NXPE2: variants seen among roughly 807,000 people sequenced by gnomAD.
NXPE2 encodes neurexophilin and PC-esterase domain family member 2.
NXPE2 carries 34 observed loss-of-function variants against 34.4 expected under a neutral mutation model. The ratio of observed to expected loss-of-function variants is 0.99; its 90% CI spans 0.75 to 1.31. The LOEUF (loss-of-function observed/expected upper bound fraction) is 1.31. NXPE2 is among the 40% of genes most tolerant of loss of function. The pLI is 0.00. For missense variants in NXPE2, 649 were observed against 672.5 expected, an observed-to-expected ratio of 0.97 and a Z score of 0.39; for synonymous variants, 235 against 231.3, an observed-to-expected ratio of 1.02 and a Z score of -0.15.
chr11:114,788,023 A>C, the NXPE2 span, among the ~76,000 whole-genome samples: 51,546 of 152,070 alleles, frequency 0.34, 11,039 homozygotes, highest in Non-Finnish European at 0.46. Context: ...ATTCAGAGTA[A>C]GGGGCTAGGC....
chr11:114,711,114 C>A (rs894592535), downstream of NXPE2, among the ~76,000 whole-genome samples: 1 of 151,994 alleles, frequency 6.6e-6, no homozygotes, highest in African/African-American at 2.4e-5. Flanking sequence ...AAGCCATACA[C>A]GAAAAGCCCA....
the NXPE2 span, among the ~76,000 whole-genome samples, chr11:114,535,870 C>G: frequency 6.6e-6 from 1 of 152,114 alleles, no homozygotes; most frequent in Non-Finnish European, 1.5e-5. Context: ...TTAGACAGAT[C>G]AACGAGACAG....
the NXPE2 span, among the ~76,000 whole-genome samples, chr11:114,726,337 G>A: frequency 2.6e-5 from 4 of 151,862 alleles, no homozygotes; most frequent in Admixed American, 2.0e-4. Flanking sequence ...ATATGCTTAG[G>A]AAATTTTCTT....
the NXPE2 span, chr11:114,517,942 T>A: frequency 6.6e-6 from 1 of 152,278 alleles, no homozygotes; most frequent in Admixed American, 6.6e-5. Context: ...GGGAGGCACA[T>A]GCCATGGATT....
chr11:114,530,020 T>TG, the NXPE2 span: 1 of 710,410 alleles, frequency 1.4e-6, no homozygotes, highest in Non-Finnish European at 2.3e-6. Flanking sequence ...AACTTTGGCC[T>TG]AGAGTGGTGA....
downstream of NXPE2, among the ~76,000 whole-genome samples, chr11:114,708,929 CA>C (rs1305399314): frequency 1.3e-5 from 2 of 152,334 alleles, no homozygotes; most frequent in Non-Finnish European, 2.9e-5. Flanking sequence ...CTTCTCTTCA[CA>C]TGCACTGAAG....
chr11:114,740,551 A>T, the NXPE2 span, among the ~76,000 whole-genome samples: 218 of 151,820 alleles, frequency 1.4e-3, no homozygotes, highest in East Asian at 9.3e-3. Flanking sequence ...TGCTTTTTTT[A>T]AAAAAAATGA....
chr11:114,698,657 G>T lies in NXPE2; in HGVS notation c.745G>T (p.Asp249Tyr), dbSNP rs779661473. The part of the protein sequence containing the change: ...AELCQYMDDR[D>Y]QEAFYCVRPQ... ...ACTGTGCCAGTACATGGATGACAGA[G>T]ACCAAGAAGCCTTCTACTGTGTGAG... The change falls in exon 3 of 6, where the codon GAC becomes TAC. Residue 249 changes from aspartate to tyrosine, a missense_variant. Asp to Tyr is a radical substitution (Grantham distance 160). Coordinates refer to ENST00000389586, the MANE Select transcript of NXPE2 (RefSeq NM_182495.6). The T allele has an allele frequency of 1.4e-5, 23 of 1,614,064 alleles. No homozygotes were observed. Among genetic ancestry groups the T allele is most frequent in the Non-Finnish European group, 1.8e-5 (21 of 1,180,028 alleles).
chr11:114,698,466 G>A lies in NXPE2; in HGVS notation c.554G>A (p.Gly185Asp), dbSNP rs972126115. The change falls in exon 3 of 6, where the codon GGC (glycine) becomes GAC (aspartate). Residue 185 changes from glycine (G) to aspartate (D), a missense_variant. By Grantham distance (94) the Gly-to-Asp change is moderately conservative. Transcript: ENST00000389586. ...GTCAGCTTCACTCTGTTCTGGGAGGGCCAGGTTTCCCTGTCTCTGCTGCTC... is the reference window on the plus strand; with the variant it reads ...GTCAGCTTCACTCTGTTCTGGGAGGACCAGGTTTCCCTGTCTCTGCTGCTC... ...YLVSFTLFWEGQVSLSLLLIH... is the reference protein window; with the variant it reads ...YLVSFTLFWEDQVSLSLLLIH... 4.3e-6 allele frequency: 7 copies of A among 1,613,888 alleles called. No homozygotes were observed. Among genetic ancestry groups the A allele is most frequent in the Middle Eastern group, 1.6e-4 (1 of 6,084 alleles).
chr11:114,646,321 A>C, the NXPE2 span, among the ~76,000 whole-genome samples: 3 of 151,576 alleles, frequency 2.0e-5, no homozygotes, highest in African/African-American at 7.3e-5. Context: ...TTATATTACA[A>C]ATAAATATAA....
At chr11:114,668,693 T>A in the NXPE2 span, among the ~76,000 whole-genome samples, 4 of 152,040 alleles carry the variant, frequency 2.6e-5, no homozygotes, top group Non-Finnish European at 1.5e-5. Flanking sequence ...ATGACTTATC[T>A]TTATATTTTC....
chr11:114,614,156 G>A, the NXPE2 span, among the ~76,000 whole-genome samples: 1 of 149,440 alleles, frequency 6.7e-6, no homozygotes, highest in African/African-American at 2.5e-5. Flanking sequence ...TGCCTCATGG[G>A]TACCAACTCT....
chr11:114,498,411 C>A, the NXPE2 span, among the ~76,000 whole-genome samples: 5 of 152,034 alleles, frequency 3.3e-5, no homozygotes, highest in Non-Finnish European at 7.4e-5. Context: ...CAGTATATCA[C>A]ATGTACTACA....
chr11:114,653,861 G>C, the NXPE2 span, among the ~76,000 whole-genome samples: 3 of 152,014 alleles, frequency 2.0e-5, no homozygotes, highest in Non-Finnish European at 4.4e-5. Flanking sequence ...CCTCTAGAAA[G>C]CTCAAGATTC....
chr11:114,736,311 T>A, the NXPE2 span, among the ~76,000 whole-genome samples: 2 of 152,058 alleles, frequency 1.3e-5, no homozygotes, highest in Non-Finnish European at 2.9e-5. Flanking sequence ...GCTTATTTCA[T>A]CCCTACAGGC....
At chr11:114,721,279 C>G in the NXPE2 span, among the ~76,000 whole-genome samples, 1 of 149,046 alleles carries the variant, frequency 6.7e-6, no homozygotes, top group South Asian at 2.1e-4. Flanking sequence ...AAATCAGACT[C>G]TGCTGTTCTG....
chr11:114,573,072 A>T, the NXPE2 span, among the ~76,000 whole-genome samples: 1 of 152,130 alleles, frequency 6.6e-6, no homozygotes, highest in East Asian at 1.9e-4. Flanking sequence ...CTCCTTAAAC[A>T]AAAAAATTAT....
the NXPE2 span, among the ~76,000 whole-genome samples, chr11:114,660,969 A>G: frequency 6.6e-6 from 1 of 152,114 alleles, no homozygotes; most frequent in Non-Finnish European, 1.5e-5. Flanking sequence ...TATTCTGTCA[A>G]TCATCAGTTT....
chr11:114,800,739 G>A, the NXPE2 span, among the ~76,000 whole-genome samples: 6 of 152,240 alleles, frequency 3.9e-5, no homozygotes, highest in East Asian at 5.8e-4. Flanking sequence ...TGGACAAATT[G>A]TGTAATCTCT....
Sources: gnomAD v4.1 joint callset for allele counts (sites outside exome capture counted in the v4.1 genomes callset) on GRCh38, gnomAD v4.1.1 for gene constraint, MANE v1.5 for transcripts, NCBI Gene and HGNC (gene_info 2026-07-23, HGNC 2026-07-21) for gene names.